C14orf39: variants seen among roughly 807,000 people sequenced by gnomAD.
C14orf39 encodes the protein chromosome 14 open reading frame 39.
A neutral mutation model predicts 85.6 loss-of-function variants in C14orf39; 66 were observed. The ratio of observed to expected loss-of-function variants is 0.77; its 90% CI spans 0.63 to 0.95. The LOEUF (loss-of-function observed/expected upper bound fraction) is 0.95. Ranked by LOEUF, C14orf39 falls within the 40% of genes least tolerant of loss-of-function variation. The pLI is 0.00. For synonymous variants in C14orf39, 242 were observed against 214.0 expected (o/e 1.13, Z -1.14); for missense variants, 735 against 663.9 (o/e 1.11, Z -1.18).
rs929019586 is a variant in C14orf39 at position 60,461,834 on chromosome 14, T to C, written c.973-241A>G. 3.3e-5 allele frequency among the ~76,000 whole-genome samples: 5 copies of C among 152,248 alleles called. No homozygotes were observed. In the South Asian group the frequency reaches 1.0e-3, roughly 32 times the overall value. On this transcript the variant is annotated intron_variant, in intron 11 of 17. Transcript: ENST00000321731. Reference sequence around the variant, plus strand: ...GTTTTTGACAAGTATAGTAATGATTTGTAGTAGTATTTCTGTATTTAAGAT... The same window carrying C: ...GTTTTTGACAAGTATAGTAATGATTCGTAGTAGTATTTCTGTATTTAAGAT...
intron 1 of C14orf39, chr14:60,509,093 C>G (rs1893248373): frequency 4.4e-6 from 2 of 454,058 alleles, no homozygotes; most frequent in African/African-American, 4.2e-5. Flanking sequence ...CAGAGCCACC[C>G]GGTGACTGAC....
chr14:60,467,112 G>T (rs558930445), intron 9 of C14orf39, 68 bp from the exon 10 acceptor site: 3 of 795,400 alleles, frequency 3.8e-6, no homozygotes, highest in South Asian at 4.4e-5. Flanking sequence ...AAGCTAGGAG[G>T]CATATTTAGA....
intron 2 of C14orf39, among the ~76,000 whole-genome samples, chr14:60,492,855 T>C (rs928044747): frequency 2.0e-5 from 3 of 152,200 alleles, no homozygotes; most frequent in African/African-American, 7.2e-5. Context: ...TGTTCTAACT[T>C]TGCAGCCTCC....
chr14:60,467,571 C>A (rs919092949), intron 9 of C14orf39, among the ~76,000 whole-genome samples: 1 of 151,558 alleles, frequency 6.6e-6, no homozygotes, highest in Non-Finnish European at 1.5e-5. Flanking sequence ...TTAAAAATGA[C>A]TAAATATTTA....
chr14:60,437,077 C>T, intron 17 of C14orf39, 30 bp from the exon 18 acceptor site: 1 of 1,446,478 alleles, frequency 6.9e-7, no homozygotes, highest in Non-Finnish European at 9.5e-7. Flanking sequence ...CAATATCATG[C>T]TCTTCATATT....
intron 5 of C14orf39, among the ~76,000 whole-genome samples, chr14:60,472,302 A>G (rs773024486): frequency 3.3e-5 from 5 of 152,118 alleles, no homozygotes; most frequent in Non-Finnish European, 5.9e-5. Flanking sequence ...ATCACAGTTT[A>G]GAAGAACTCT....
chr14:60,456,425 A>AT (rs1891281412), intron 15 of C14orf39, among the ~76,000 whole-genome samples: 1 of 78,694 alleles, frequency 1.3e-5, no homozygotes, highest in Non-Finnish European at 2.9e-5. Context: ...TTTTAGCTTG[A>AT]CTTTTTTTTT....
intron 1 of C14orf39, chr14:60,509,395 C>T: frequency 6.3e-7 from 1 of 1,599,258 alleles, no homozygotes; most frequent in East Asian, 2.2e-5. Flanking sequence ...CCGGCACTGC[C>T]TCGATGTTCC....
At position 60,462,210 on chromosome 14, in the gene C14orf39, AC is replaced by A. The variant is rs1217528022; in HGVS notation, c.973-618del. 3.3e-5 allele frequency among the ~76,000 whole-genome samples: 5 copies of A among 152,024 alleles called. No homozygotes were observed. In the East Asian group the frequency reaches 9.7e-4, roughly 30 times the overall value. ...TACAACATAGTGAGACCCCATCTCT[AC>A]AAAAAATTAAAAAATTAGCTGAGTT... On this transcript the variant is annotated intron_variant, in intron 11 of 17. Transcript: ENST00000321731.
At chr14:60,469,916 T>C (rs192784633) in intron 7 of C14orf39, among the ~76,000 whole-genome samples, 18 of 149,320 alleles carry the variant, frequency 1.2e-4, no homozygotes, top group Admixed American at 9.0e-4. Flanking sequence ...CAGTTAAGTA[T>C]TTTCACAGGG....
In C14orf39 at chr14:60,439,986, A is replaced by T. The variant is rs536070180; in HGVS notation, c.1561+2088T>A. Among the ~76,000 whole-genome samples the T allele has an allele frequency of 3.5e-4, 54 of 152,282 alleles. No homozygotes were observed. In the East Asian group the frequency reaches 9.5e-3, roughly 27 times the overall value. On this transcript the variant is annotated intron_variant, in intron 17 of 17. Coordinates refer to ENST00000321731, the MANE Select transcript of C14orf39 (RefSeq NM_174978.3). ...GCTACTCGGGAGGCTGAGGCAGGAG[A>T]ATTGCTTGAACCCAGGAGGCGGAGG...
intron 16 of C14orf39, among the ~76,000 whole-genome samples, chr14:60,444,567 C>T (rs1203989441): frequency 1.3e-5 from 2 of 152,100 alleles, no homozygotes; most frequent in African/African-American, 4.8e-5. Flanking sequence ...ACCAAATATA[C>T]GTTTGATTGG....
intron 16 of C14orf39, among the ~76,000 whole-genome samples, chr14:60,446,262 T>C (rs372186306): frequency 5.1e-4 from 77 of 151,864 alleles, no homozygotes; most frequent in Admixed American, 4.3e-3. Flanking sequence ...AACAAATCAA[T>C]GAATCCAGCA....
intron 16 of C14orf39, among the ~76,000 whole-genome samples, chr14:60,452,081 G>A (rs1449677471): frequency 6.6e-6 from 1 of 151,140 alleles, no homozygotes; most frequent in Admixed American, 6.6e-5. Flanking sequence ...CAGCTACTCG[G>A]GAGGATGAGG....
chr14:60,456,178 G>A (rs1319409726), intron 15 of C14orf39, among the ~76,000 whole-genome samples: 1 of 152,016 alleles, frequency 6.6e-6, no homozygotes, highest in African/African-American at 2.4e-5. Flanking sequence ...AAACCTCAGG[G>A]TTGTTAAGGA....
chr14:60,476,020 C>A (rs1892359930), intron 5 of C14orf39, among the ~76,000 whole-genome samples: 1 of 152,022 alleles, frequency 6.6e-6, no homozygotes, highest in Non-Finnish European at 1.5e-5. Flanking sequence ...GGATAACAGC[C>A]CTGTGCTAGT....
chr14:60,485,737 G>T (rs1892856557), intron 1 of C14orf39, among the ~76,000 whole-genome samples: 1 of 152,000 alleles, frequency 6.6e-6, no homozygotes, highest in Non-Finnish European at 1.5e-5. Context: ...TCCTGTCCTG[G>T]CTTCCCCTCG....
At chr14:60,478,096 G>A (rs1306500801) in intron 5 of C14orf39, among the ~76,000 whole-genome samples, 12 of 149,908 alleles carry the variant, frequency 8.0e-5, no homozygotes, top group African/African-American at 7.3e-5. Context: ...AAAGAATGGC[G>A]TGAACCCGGG....
intron 1 of C14orf39, among the ~76,000 whole-genome samples, chr14:60,500,524 G>T (rs1357966574): frequency 6.6e-6 from 1 of 152,094 alleles, no homozygotes; most frequent in East Asian, 1.9e-4. Flanking sequence ...GTGAAAAAAT[G>T]GAATTTAAAC....
Sources: allele counts gnomAD v4.1 joint callset (sites outside exome capture counted in the v4.1 genomes callset), GRCh38; gene constraint gnomAD v4.1.1; transcripts MANE v1.5; gene names NCBI Gene and HGNC (gene_info 2026-07-23, HGNC 2026-07-21).